Variants in MKLN1 observed in about 807,000 individuals in gnomAD.
MKLN1 encodes the protein muskelin 1.
A neutral mutation model predicts 99.0 loss-of-function variants in MKLN1; 18 were observed. The observed-to-expected ratio is 0.18, with a 90% CI of 0.13 to 0.27. The LOEUF is 0.27. MKLN1 is among the 10% of genes least tolerant of loss of function. MKLN1 has a pLI of 1.00. For missense variants in MKLN1, 621 were observed against 875.9 expected (o/e 0.71, Z 3.67); for synonymous variants, 288 against 293.2 (o/e 0.98, Z 0.18).
intron 1 of MKLN1, among the ~76,000 whole-genome samples, chr7:131,139,740 A>G (rs1398835477): frequency 1.3e-5 from 2 of 152,198 alleles, no homozygotes; most frequent in Non-Finnish European, 2.9e-5. Flanking sequence ...TGGGCCATGG[A>G]CCAGGAAGTC....
intron 2 of MKLN1, among the ~76,000 whole-genome samples, chr7:131,384,660 C>T (rs1793954965): frequency 6.6e-6 from 1 of 152,164 alleles, no homozygotes; most frequent in Admixed American, 6.5e-5. Flanking sequence ...CCCTATAGTA[C>T]ACCTATAGTT....
chr7:131,142,792 A>G lies in MKLN1; in HGVS notation c.-418-28A>G. 1.2e-5 allele frequency: 7 copies of G among 594,290 alleles called. 1 individual carries two copies. Among genetic ancestry groups the G allele is most frequent in the South Asian group, 8.5e-5 (5 of 58,694 alleles). 36.8% of individuals were successfully genotyped at this position (594,290 alleles called of 1,614,324 possible). On this transcript the variant is annotated intron_variant, in intron 1 of 7. Coordinates refer to the MKLN1 transcript ENST00000416992. ...GGCAATTAATAGAGGTAGACTTCAC[A>G]TCTGTCCCTTGTGGGCTTCTTTTCC...
At chr7:131,348,785 G>C (rs917889777) in intron 1 of MKLN1, among the ~76,000 whole-genome samples, 1 of 152,146 alleles carries the variant, frequency 6.6e-6, no homozygotes, top group Non-Finnish European at 1.5e-5. Context: ...AGCTGGATCT[G>C]ATGCAAAGGA....
At chr7:131,472,314 AAATAAT>A (rs1318248490) in intron 16 of MKLN1, 1 of 152,228 alleles carries the variant, frequency 6.6e-6, no homozygotes, top group Non-Finnish European at 1.5e-5. Context: ...ATTTCAAAGT[AAATAAT>A]TTCAGCTGTG....
chr7:131,255,065 AT>A (rs925301726), intron 3 of MKLN1, among the ~76,000 whole-genome samples: 8 of 151,588 alleles, frequency 5.3e-5, no homozygotes, highest in Admixed American at 2.0e-4. Context: ...GTTTAAAAAA[AT>A]TTTTTTTTGT....
At chr7:131,180,543 AC>A (rs1796364026) in intron 2 of MKLN1, among the ~76,000 whole-genome samples, 2 of 152,116 alleles carry the variant, frequency 1.3e-5, no homozygotes, top group South Asian at 4.1e-4. Context: ...TACTAAAAAT[AC>A]AAAAATTAGC....
At chr7:131,310,789 G>T (rs774154327) in intron 3 of MKLN1, 1 of 152,070 alleles carries the variant, frequency 6.6e-6, no homozygotes, top group Non-Finnish European at 1.5e-5. Context: ...ACAGAAAAAA[G>T]ATTCTTATTA....
chr7:131,413,373 T>G (rs186252285), intron 7 of MKLN1, among the ~76,000 whole-genome samples: 1 of 152,304 alleles, frequency 6.6e-6, no homozygotes, highest in East Asian at 1.9e-4. Flanking sequence ...AGTATAAAAT[T>G]GGATATTCTC....
chr7:131,177,578 C>A (rs1796318164), intron 2 of MKLN1, among the ~76,000 whole-genome samples: 1 of 151,598 alleles, frequency 6.6e-6, no homozygotes, highest in Non-Finnish European at 1.5e-5. Context: ...TATAATAAGC[C>A]TCTGATGATA....
intron 12 of MKLN1, among the ~76,000 whole-genome samples, chr7:131,448,234 G>T (rs1011464458): frequency 6.6e-6 from 1 of 151,394 alleles, no homozygotes; most frequent in African/African-American, 2.4e-5. Flanking sequence ...TCTCAAAAAA[G>T]AAAAAAAAGT....
Position 131,340,426 on chromosome 7 carries a change from G to A in MKLN1, c.98+12429G>A, listed in dbSNP as rs536630188. On this transcript the variant is annotated intron_variant, in intron 1 of 17. Transcript: ENST00000352689. The stretch of plus-strand genomic sequence containing the variant: ...CCCAAGTAGCTGGGACTACAGGTGC[G>A]CACCACCACGCCTGGCTAATTTTTG... Among the ~76,000 whole-genome samples the A allele has an allele frequency of 1.8e-4, 28 of 151,684 alleles. No homozygotes were observed. The East Asian group carries it at 3.5e-3, about 19-fold the overall frequency.
At chr7:131,253,916 G>C (rs969772025) in intron 3 of MKLN1, among the ~76,000 whole-genome samples, 1 of 152,158 alleles carries the variant, frequency 6.6e-6, no homozygotes, top group Non-Finnish European at 1.5e-5. Context: ...AGACAGCTAA[G>C]AAGAGCCATC....
At chr7:131,392,121 T>C (rs1794212528) in intron 4 of MKLN1, among the ~76,000 whole-genome samples, 1 of 152,184 alleles carries the variant, frequency 6.6e-6, no homozygotes, top group Admixed American at 6.5e-5. Context: ...TGGTTACAGA[T>C]GGCTCAAAGG....
chr7:131,425,552 T>C (rs112032974), intron 8 of MKLN1, among the ~76,000 whole-genome samples: 1 of 152,264 alleles, frequency 6.6e-6, no homozygotes, highest in Non-Finnish European at 1.5e-5. Context: ...TTCTTTCTTT[T>C]GAATTCTCTA....
chr7:131,470,699 T>A (rs956889676), intron 15 of MKLN1, 143 bp from the exon 16 acceptor site: 17 of 628,570 alleles, frequency 2.7e-5, no homozygotes, highest in Non-Finnish European at 4.7e-5. Context: ...TATTGTTAAT[T>A]CTGGATTCCT....
chr7:131,176,917 C>T (rs1056358699), intron 2 of MKLN1, among the ~76,000 whole-genome samples: 2 of 152,142 alleles, frequency 1.3e-5, no homozygotes, highest in African/African-American at 4.8e-5. Flanking sequence ...GTGGCACTAG[C>T]AGCTTCATAT....
At chr7:131,156,447 C>CAAAAAAAAA (rs143988738) in intron 2 of MKLN1, among the ~76,000 whole-genome samples, 19 of 74,662 alleles carry the variant, frequency 2.5e-4, no homozygotes, top group African/African-American at 4.6e-4. Flanking sequence ...GACTCTGTCT[C>CAAAAAAAAA]AAAAAAAAAA....
intron 1 of MKLN1, among the ~76,000 whole-genome samples, chr7:131,121,638 CAAAAAAAAAAAAA>C (rs55908773): frequency 1.2e-4 from 9 of 72,818 alleles, no homozygotes; most frequent in Non-Finnish European, 2.4e-4. Context: ...GACTCCGTCT[CAAAAAAAAAAAAA>C]AAAAAAAAAA....
chr7:131,117,002 A>C (rs1795287729), intron 1 of MKLN1, among the ~76,000 whole-genome samples: 1 of 152,110 alleles, frequency 6.6e-6, no homozygotes, highest in Non-Finnish European at 1.5e-5. Context: ...TTCTACTTTT[A>C]TATATTTATC....
Sources: allele counts gnomAD v4.1 joint callset (sites outside exome capture counted in the v4.1 genomes callset), GRCh38; gene constraint gnomAD v4.1.1; transcripts MANE v1.5; gene names NCBI Gene and HGNC (gene_info 2026-07-23, HGNC 2026-07-21).